Variants in GSG1 observed in about 807,000 individuals in gnomAD.
GSG1 encodes the protein germ cell-specific gene 1 protein.
GSG1 carries 28 observed loss-of-function variants against 30.8 expected under a neutral mutation model. The observed-to-expected ratio is 0.91, with a 90% CI of 0.67 to 1.25. The LOEUF is 1.25. Ranked by LOEUF, GSG1 falls within the 50% of genes most tolerant of loss-of-function variation. The pLI is 0.00. For missense variants in GSG1, 435 were observed against 444.7 expected, an observed-to-expected ratio of 0.98 and a Z score of 0.20; for synonymous variants, 162 against 178.0, an observed-to-expected ratio of 0.91 and a Z score of 0.71.
chr12:13,088,419 CCTTCTT>C (rs1220261754), intron 4 of GSG1, among the ~76,000 whole-genome samples: 3 of 152,116 alleles, frequency 2.0e-5, no homozygotes, highest in Admixed American at 2.0e-4. Context: ...TCCCTGCCTC[CCTTCTT>C]CACTCTTTTC....
At chr12:13,094,455 A>G (rs944989011) in intron 1 of GSG1, among the ~76,000 whole-genome samples, 6 of 152,242 alleles carry the variant, frequency 3.9e-5, no homozygotes, top group Admixed American at 3.9e-4. Flanking sequence ...GACCTTGACT[A>G]AGGACAAAAA....
At chr12:13,086,356 G>T (rs1263147904) in intron 6 of GSG1, among the ~76,000 whole-genome samples, 1 of 152,152 alleles carries the variant, frequency 6.6e-6, no homozygotes. Context: ...ACAGGAAAGG[G>T]GATAGGGCCT....
chr12:13,096,494 G>T (rs980165440), intron 1 of GSG1, among the ~76,000 whole-genome samples: 1 of 138,334 alleles, frequency 7.2e-6, no homozygotes, highest in Admixed American at 7.1e-5. Flanking sequence ...AAAAAAAAAA[G>T]AATAAGTACT....
rs147237069 is a variant in GSG1, at chr12:13,095,643, G to A, written c.49-4825C>T. 1,327 of 1,614,192 alleles carry A rather than the reference G, an allele frequency of 8.2e-4. 10 individuals carry two copies. The African/African-American group carries it at 0.015, about 19-fold the overall frequency. ...TTGCAGCTTGTCTGGAAGAACCGAA[G>A]GATGCCATCTGCACTCCAAGTCCCT... is the stretch of plus-strand genomic sequence containing the variant. On this transcript the variant is annotated intron_variant, in intron 1 of 6. Transcript: ENST00000651961.
At chr12:13,092,702 T>A (rs116069288) in intron 1 of GSG1, among the ~76,000 whole-genome samples, 2,423 of 152,292 alleles carry the variant, frequency 0.016, 74 homozygotes, top group African/African-American at 0.055. Context: ...CATTAGACAC[T>A]CAACACTAAA....
chr12:13,096,190 A>G (rs1866643596), intron 1 of GSG1, among the ~76,000 whole-genome samples: 1 of 152,052 alleles, frequency 6.6e-6, no homozygotes, highest in South Asian at 2.1e-4. Context: ...AATAAGTACT[A>G]TTGCCGGGCG....
At chr12:13,102,326 T>G (rs1215139301) in intron 1 of GSG1, among the ~76,000 whole-genome samples, 1 of 152,210 alleles carries the variant, frequency 6.6e-6, no homozygotes, top group Non-Finnish European at 1.5e-5. Context: ...ATTGAGGCAA[T>G]GGATTAAGTG....
At chr12:13,087,074 A>G (rs1241247602) in intron 6 of GSG1, 78 bp downstream of exon 6, 3 of 908,890 alleles carry the variant, frequency 3.3e-6, no homozygotes, top group Non-Finnish European at 5.4e-6. Flanking sequence ...GCTTCACCGA[A>G]TAAGCATCTA....
Position 13,083,803 on chromosome 12 carries a change from C to T in GSG1, c.*1098G>A, listed in dbSNP as rs1263877375. The T allele has an allele frequency of 2.0e-5, 3 of 150,796 alleles. No individual in the cohort carries two copies. The highest frequency in any genetic ancestry group is 7.3e-5 in the African/African-American group (3 of 41,028). The allele number at this position is 150,796 out of a possible 1,614,324, so 9.3% of individuals were successfully genotyped here. ...TGCAGTGTTTGGTTTTCTATCCTTG[C>T]GATAGTTTGCTCAGAATGATGGTTT... On this transcript the variant is annotated 3_prime_UTR_variant, in exon 7 of 7. Transcript: ENST00000651961.
Position 13,090,702 on chromosome 12 carries a change from T to A in GSG1, c.165A>T (p.Thr55=). 3 of 1,614,212 alleles carry A rather than the reference T, an allele frequency of 1.9e-6. No individual in the cohort carries two copies. Among genetic ancestry groups the A allele is most frequent in the Non-Finnish European group, 2.5e-6 (3 of 1,180,028 alleles). Residue 55 remains threonine (T), a synonymous_variant, in exon 2 of 7, where the codon ACA becomes ACT. Coordinates refer to ENST00000651961, the MANE Select transcript of GSG1 (RefSeq NM_001080555.4). The part of the protein sequence containing the change: ...SLLSNYWFVG[T]QKVPKPLCEK... ...CGCACAGGGGCTTGGGCACCTTCTG[T>A]GTGCCCACAAACCAGTAGTTGCTGA... is the stretch of plus-strand genomic sequence containing the variant.
chr12:13,094,782 G>A (rs1319775953), intron 1 of GSG1, among the ~76,000 whole-genome samples: 1 of 152,068 alleles, frequency 6.6e-6, no homozygotes, highest in Admixed American at 6.6e-5. Flanking sequence ...TTGGAAATTT[G>A]TCTATTATCA....
At chr12:13,092,391 G>A (rs1282568002) in intron 1 of GSG1, among the ~76,000 whole-genome samples, 1 of 152,146 alleles carries the variant, frequency 6.6e-6, no homozygotes, top group African/African-American at 2.4e-5. Flanking sequence ...GAGAGAAGGT[G>A]GATTGCTGCA....
Position 13,083,583 on chromosome 12 carries a change from A to G in GSG1, c.*1318T>C, listed in dbSNP as rs1865277522. On this transcript the variant is annotated 3_prime_UTR_variant, in exon 7 of 7. Coordinates refer to ENST00000651961, the MANE Select transcript of GSG1 (RefSeq NM_001080555.4). ...TTAAGTTCTAGGGTACATGTGCACAACGTGCAGATTTGTTACATATGTATA... is the reference window on the plus strand; with the variant it reads ...TTAAGTTCTAGGGTACATGTGCACAGCGTGCAGATTTGTTACATATGTATA... 2 of 150,794 alleles carry G rather than the reference A, an allele frequency of 1.3e-5. No homozygotes were observed. The highest frequency in any genetic ancestry group is 2.1e-4 in the South Asian group (1 of 4,750). The allele number at this position is 150,794 out of a possible 1,614,324, so 9.3% of individuals were successfully genotyped here.
intron 2 of GSG1, among the ~76,000 whole-genome samples, chr12:13,089,691 A>T (rs1865896506): frequency 6.6e-6 from 1 of 152,204 alleles, no homozygotes; most frequent in Non-Finnish European, 1.5e-5. Flanking sequence ...TGGGGCCAGG[A>T]AGAGGCTGTA....
At chr12:13,087,790 C>T in intron 5 of GSG1, 117 bp downstream of exon 5, 1 of 978,236 alleles carries the variant, frequency 1.0e-6, no homozygotes, top group Non-Finnish European at 1.5e-6. Context: ...ATGCCTACCT[C>T]CATTCTTTAA....
At chr12:13,089,043 A>C (rs1158494123) in intron 3 of GSG1, 134 bp from the exon 4 acceptor site, 2 of 1,309,642 alleles carry the variant, frequency 1.5e-6, no homozygotes, top group Admixed American at 2.3e-5. Context: ...GAAAGCAGGA[A>C]AGAATGCCTG....
intron 1 of GSG1, among the ~76,000 whole-genome samples, chr12:13,094,944 C>T (rs1451082693): frequency 6.6e-6 from 1 of 152,192 alleles, no homozygotes. Context: ...TACTAAGATA[C>T]ACCCACTTTG....
intron 1 of GSG1, among the ~76,000 whole-genome samples, chr12:13,102,681 G>A (rs557027551): frequency 1.3e-4 from 20 of 152,258 alleles, no homozygotes; most frequent in Middle Eastern, 6.8e-3. Flanking sequence ...GTGTATGTAC[G>A]TGTGTGTGTG....
chr12:13,089,256 A>C lies in GSG1; in HGVS notation c.385T>G (p.Trp129Gly), dbSNP rs1191275524. 2.6e-6 allele frequency: 4 copies of C among 1,557,346 alleles called. No individual in the cohort carries two copies. The East Asian group carries it at 7.2e-5, about 28-fold the overall frequency. The change falls in exon 3 of 7, where the codon TGG becomes GGG. Residue 129 changes from tryptophan (W) to glycine (G), a missense_variant. By Grantham distance (184) the Trp-to-Gly change is radical. Transcript: ENST00000651961. Reference protein sequence around the residue: ...EEPALLHPQSWKQFRALRSSG... With the variant: ...EEPALLHPQSGKQFRALRSSG... ...GACCGAAGGGCTCTAAATTGTTTCC[A>C]GGACTGGGGATGGAGCAGTGCTAAG...
Sources: gnomAD v4.1 joint callset for allele counts (sites outside exome capture counted in the v4.1 genomes callset) on GRCh38, gnomAD v4.1.1 for gene constraint, MANE v1.5 for transcripts, NCBI Gene and HGNC (gene_info 2026-07-23, HGNC 2026-07-21) for gene names.